GSE1: variants seen among roughly 807,000 people sequenced by gnomAD.
GSE1 encodes the protein Gse1 coiled-coil protein, also known as genetic suppressor element 1.
A neutral mutation model predicts 112.6 loss-of-function variants in GSE1; 32 were observed. That is an observed-to-expected ratio of 0.28 (90% CI 0.21 to 0.38). GSE1 has a LOEUF of 0.38. GSE1 is among the 10% of genes least tolerant of loss of function. The pLI is 1.00. For synonymous variants in GSE1, 1,115 were observed against 735.6 expected (o/e 1.52, Z -8.35); for missense variants, 2,348 against 1,699.2 (o/e 1.38, Z -6.71).
intron 1 of GSE1, among the ~76,000 whole-genome samples, chr16:85,580,409 C>T (rs569342299): frequency 1.3e-3 from 196 of 152,260 alleles, no homozygotes; most frequent in African/African-American, 4.5e-3. Context: ...GGCCAGCATC[C>T]GAACCCCGCC....
intron 1 of GSE1, among the ~76,000 whole-genome samples, chr16:85,329,611 G>GCTCT (rs1281611747): frequency 6.6e-6 from 1 of 151,974 alleles, no homozygotes; most frequent in East Asian, 2.0e-4. Flanking sequence ...TGCGGGGAGA[G>GCTCT]GGCAGGAGAA....
At chr16:85,623,301 A>G (rs1310108528) in intron 1 of GSE1, among the ~76,000 whole-genome samples, 1 of 150,962 alleles carries the variant, frequency 6.6e-6, no homozygotes, top group African/African-American at 2.4e-5. Context: ...GGCAGCCTCA[A>G]CCTCCTGGGC....
In GSE1 at chr16:85,654,350, G is replaced by T. The variant is rs1321337134; in HGVS notation, c.499G>T (p.Ala167Ser). ...IVEPPLPQEK[A>S]GGPAIPSHLL... is the part of the protein sequence containing the mutation. ...GGAGCCCCCGCTCCCTCAGGAGAAG[G>T]CAGGGGGACCAGCCATCCCCTCGCA... The change falls in exon 4 of 16, where the codon GCA becomes TCA. Residue 167 changes from alanine to serine, a missense_variant. By Grantham distance (99) the Ala-to-Ser change is moderately conservative. Transcript: ENST00000253458. The T allele has an allele frequency of 2.5e-6, 4 of 1,612,152 alleles. No individual in the cohort carries two copies. The East Asian group carries it at 8.9e-5, about 36-fold the overall frequency.
chr16:85,323,092 T>C (rs532693946), intron 1 of GSE1, among the ~76,000 whole-genome samples: 10 of 152,022 alleles, frequency 6.6e-5, no homozygotes, highest in African/African-American at 2.4e-4. Flanking sequence ...GCGTCATTGT[T>C]TGTTGTTTCT....
chr16:85,254,564 TG>T (rs1228743834), intron 1 of GSE1, among the ~76,000 whole-genome samples: 1 of 152,182 alleles, frequency 6.6e-6, no homozygotes, highest in East Asian at 1.9e-4. Context: ...TCTTAGCTTC[TG>T]GGGGGCCCTT....
In GSE1 at chr16:85,320,730, C is replaced by G. The variant is rs193128995; in HGVS notation, c.2284-36733C>G. Reference sequence around the variant, plus strand: ...GCATGACTTCTCGGGGAACACTGTTCCAGCCATTGCACTTGTTCTCCCAAG... The same window carrying G: ...GCATGACTTCTCGGGGAACACTGTTGCAGCCATTGCACTTGTTCTCCCAAG... On this transcript the variant is annotated intron_variant, in intron 1 of 2. Coordinates refer to the GSE1 transcript ENST00000637419. 2.9e-3 allele frequency among the ~76,000 whole-genome samples: 441 copies of G among 152,318 alleles called. 8 individuals carry two copies. Among genetic ancestry groups the G allele is most frequent in the Admixed American group, 0.026 (393 of 15,306 alleles).
intron 1 of GSE1, among the ~76,000 whole-genome samples, chr16:85,350,125 G>T (rs2046824400): frequency 6.6e-6 from 1 of 152,210 alleles, no homozygotes; most frequent in East Asian, 1.9e-4. Context: ...GATGGCAGGT[G>T]CTCAGCTGGC....
intron 15 of GSE1, among the ~76,000 whole-genome samples, chr16:85,671,491 C>T (rs2053337335): frequency 6.8e-6 from 1 of 147,946 alleles, no homozygotes; most frequent in Admixed American, 6.8e-5. Context: ...ATGGCTTACA[C>T]CTGTAATCCC....
At chr16:85,172,104 T>C (rs139218626) in intron 1 of GSE1, among the ~76,000 whole-genome samples, 134 of 152,246 alleles carry the variant, frequency 8.8e-4, no homozygotes, top group African/African-American at 3.2e-3. Flanking sequence ...TTGGGTGTGT[T>C]TGCAGTGGGA....
At chr16:85,494,307 C>A (rs930763698) in intron 2 of GSE1, among the ~76,000 whole-genome samples, 2 of 152,210 alleles carry the variant, frequency 1.3e-5, no homozygotes, top group African/African-American at 2.4e-5. Context: ...CTTGTGGCCG[C>A]TTCACTACAG....
intron 1 of GSE1, among the ~76,000 whole-genome samples, chr16:85,186,027 G>T (rs1307095651): frequency 1.3e-5 from 2 of 152,218 alleles, no homozygotes; most frequent in Admixed American, 6.5e-5. Context: ...GCCAGCGCGA[G>T]AGACCACGAT....
rs1206492490 is a variant in GSE1 at position 85,673,237 on chromosome 16, A to C, written c.*698A>C. On this transcript the variant is annotated 3_prime_UTR_variant, in exon 16 of 16. Transcript: ENST00000253458. ...GAGCTCTGTGTATACACAGCTTCAC[A>C]CCCACCAGATTGTTACTACAGTGGG... 6.6e-6 allele frequency: 1 copy of C among 152,532 alleles called. No homozygotes were observed. Among genetic ancestry groups the C allele is most frequent in the African/African-American group, 2.4e-5 (1 of 41,400 alleles). The allele number at this position is 152,532 out of a possible 1,614,324, so 9.4% of individuals were successfully genotyped here.
chr16:85,375,688 A>G (rs1288034646), intron 2 of GSE1, among the ~76,000 whole-genome samples: 2 of 151,936 alleles, frequency 1.3e-5, no homozygotes, highest in Non-Finnish European at 2.9e-5. Flanking sequence ...CAGCACCCAG[A>G]GCGCCATGAG....
chr16:85,304,613 G>GGGGGGC (rs1597345354), intron 1 of GSE1, among the ~76,000 whole-genome samples: 1 of 131,720 alleles, frequency 7.6e-6, no homozygotes, highest in Non-Finnish European at 1.7e-5. Flanking sequence ...GGGGGGTGGG[G>GGGGGGC]CATCCCTTTT....
chr16:85,513,071 T>C (rs1267693274), intron 2 of GSE1, among the ~76,000 whole-genome samples: 1 of 152,154 alleles, frequency 6.6e-6, no homozygotes, highest in Non-Finnish European at 1.5e-5. Flanking sequence ...TTTTGAGCCC[T>C]GTGGGCGTCT....
At chr16:85,623,279 A>G (rs1050642458) in intron 1 of GSE1, among the ~76,000 whole-genome samples, 1 of 150,934 alleles carries the variant, frequency 6.6e-6, no homozygotes, top group Non-Finnish European at 1.5e-5. Flanking sequence ...CAGTCGCGCA[A>G]TCACAACTCA....
At chr16:85,506,126 G>A (rs981087012) in intron 2 of GSE1, among the ~76,000 whole-genome samples, 4 of 152,162 alleles carry the variant, frequency 2.6e-5, no homozygotes, top group Non-Finnish European at 5.9e-5. Context: ...ATTGTGTGCA[G>A]TTGTGCAGCA....
At chr16:85,628,266 C>T (rs988069475) in intron 1 of GSE1, among the ~76,000 whole-genome samples, 12 of 152,244 alleles carry the variant, frequency 7.9e-5, no homozygotes, top group African/African-American at 2.9e-4. Context: ...TTTTAAGTGA[C>T]CTGACATCAG....
chr16:85,644,643 C>T (rs1026112040), intron 2 of GSE1, among the ~76,000 whole-genome samples: 8 of 151,988 alleles, frequency 5.3e-5, no homozygotes, highest in Admixed American at 1.3e-4. Flanking sequence ...CCAATGCGTG[C>T]GGGGCCTGGG....
Sources: gnomAD v4.1 joint callset for allele counts (sites outside exome capture counted in the v4.1 genomes callset) on GRCh38, gnomAD v4.1.1 for gene constraint, MANE v1.5 for transcripts, NCBI Gene and HGNC (gene_info 2026-07-23, HGNC 2026-07-21) for gene names.